ZAP70: variants seen among roughly 807,000 people sequenced by gnomAD.
ZAP70 encodes zeta chain of T cell receptor associated protein kinase 70, also known as tyrosine-protein kinase ZAP-70.
ZAP70 carries 27 observed loss-of-function variants against 65.8 expected under a neutral mutation model. The ratio of observed to expected loss-of-function variants is 0.41; its 90% CI spans 0.30 to 0.57. ZAP70 has a LOEUF of 0.57. Among genes scored for constraint, ZAP70 ranks in the 20% least tolerant of loss-of-function variants. The pLI, the probability that ZAP70 is intolerant of heterozygous loss-of-function variation, is 0.28. For synonymous variants in ZAP70, 363 were observed against 360.8 expected (o/e 1.01, Z -0.07); for missense variants, 696 against 870.5 (o/e 0.80, Z 2.52).
At position 97,737,044 on chromosome 2, in the gene ZAP70, G is replaced by T. The variant is rs1460575930; in HGVS notation, c.1290-429G>T. 6.6e-6 allele frequency among the ~76,000 whole-genome samples: 1 copy of T among 152,118 alleles called. No individual in the cohort carries two copies. Among genetic ancestry groups the T allele is most frequent in the African/African-American group, 2.4e-5 (1 of 41,416 alleles). On this transcript the variant is annotated intron_variant, in intron 10 of 13. Transcript: ENST00000264972. This position sits in a 1 kb window ranked among gnomAD's most constrained non-coding sequence, Gnocchi z 5.0. ...GAGATGAGGAGTGCGGTGGATTCTG[G>T]AGAGATTCTGACACCAGAACTGCCA...
At chr2:97,743,051 TGGTGTTCAGCTCAGCACCAA>T (rs2104716962), downstream of ZAP70, among the ~76,000 whole-genome samples, 1 of 152,302 alleles carries the variant, frequency 6.6e-6, no homozygotes, top group African/African-American at 2.4e-5. Flanking sequence ...GAAGGGGCTG[TGGTGTTCAGCTCAGCACCAA>T]CCTTATACTT....
chr2:97,753,228 C>G, the ZAP70 span, among the ~76,000 whole-genome samples: 1 of 152,224 alleles, frequency 6.6e-6, no homozygotes, highest in Admixed American at 6.5e-5. Flanking sequence ...TCATGGGCAG[C>G]AGGGAAGACC....
chr2:97,734,060 C>T (rs921445495), intron 8 of ZAP70: 4 of 275,596 alleles, frequency 1.5e-5, no homozygotes, highest in South Asian at 5.0e-5. Flanking sequence ...TGGTCTGCTG[C>T]GGGTGCTCCT....
In ZAP70 at chr2:97,734,730, G is replaced by A. The variant is rs200537559; in HGVS notation, c.1082+18G>A. The A allele has an allele frequency of 3.7e-6, 6 of 1,612,620 alleles. No homozygotes were observed. The highest frequency in any genetic ancestry group is 1.1e-5 in the South Asian group (1 of 91,078). ...ATGCGCAAGTATGGCCGCCCCTGCC[G>A]TGGTGGGAGCACCGCCGCCTGGGGC... is the stretch of plus-strand genomic sequence containing the variant. On this transcript the variant is annotated intron_variant, in intron 9 of 13. Coordinates refer to ENST00000264972, the MANE Select transcript of ZAP70 (RefSeq NM_001079.4).
rs1282920363 is a variant in ZAP70 at position 97,733,200 on chromosome 2, AGCAACGCCTCAG to A, written c.780_790+1del. On this transcript the variant is annotated inframe_deletion and splice_region_variant, in exon 6 of 14. Transcript: ENST00000264972. The stretch of plus-strand genomic sequence containing the variant: ...GGAGGCCTGCCCCAACAGCAGTGCC[AGCAACGCCTCAG>A]GTGACGGCAGCAGGCGGGCGGGCGG... The A allele has an allele frequency of 6.2e-7, 1 of 1,613,642 alleles. No individual in the cohort carries two copies. Among genetic ancestry groups the A allele is most frequent in the Non-Finnish European group, 8.5e-7 (1 of 1,179,900 alleles).
At chr2:97,721,587 T>TC (rs1212203777) in intron 2 of ZAP70, among the ~76,000 whole-genome samples, 1 of 138,958 alleles carries the variant, frequency 7.2e-6, no homozygotes, top group Non-Finnish European at 1.6e-5. Context: ...CTGATTTTTT[T>TC]TTTTTTTTTT....
chr2:97,720,996 G>A (rs1458646920), intron 2 of ZAP70, among the ~76,000 whole-genome samples: 6 of 152,180 alleles, frequency 3.9e-5, no homozygotes, highest in African/African-American at 1.4e-4. Flanking sequence ...TAACTAAGAA[G>A]GGCACTCAAA....
chr2:97,748,264 G>C, the ZAP70 span, among the ~76,000 whole-genome samples: 1 of 152,212 alleles, frequency 6.6e-6, no homozygotes, highest in Non-Finnish European at 1.5e-5. Flanking sequence ...GGGAAAACCA[G>C]TTCCTTATAA....
the ZAP70 span, among the ~76,000 whole-genome samples, chr2:97,747,959 A>G: frequency 6.6e-6 from 1 of 151,260 alleles, no homozygotes; most frequent in African/African-American, 2.4e-5. Context: ...CCCAGGAACT[A>G]ATGACTATTA....
the ZAP70 span, among the ~76,000 whole-genome samples, chr2:97,746,537 A>C: frequency 6.6e-6 from 1 of 152,212 alleles, no homozygotes; most frequent in East Asian, 1.9e-4. Flanking sequence ...GAGGAGGTTA[A>C]GGGCTTGGCA....
rs745705250 is a variant in ZAP70 at position 97,732,888 on chromosome 2, G to A, written c.569G>A (p.Arg190Lys). The change falls in exon 5 of 14, where the codon AGG (arginine) becomes AAG (lysine). Residue 190 changes from arginine to lysine, a missense_variant. By Grantham distance (26) the Arg-to-Lys change is conservative. This residue lies in a region of ZAP70 where 551 missense variants were observed against 630.0 expected (regional missense o/e 0.87). Coordinates refer to ENST00000264972, the MANE Select transcript of ZAP70 (RefSeq NM_001079.4). ...CCCCTCCCTTCCCCTGCCAGGCTGA[G>A]GCCGCGGAAGGAGCAGGGCACATAC... Reference protein sequence around the residue: ...GAQTDGKFLLRPRKEQGTYAL... With the variant: ...GAQTDGKFLLKPRKEQGTYAL... The A allele has an allele frequency of 1.9e-6, 3 of 1,613,826 alleles. No individual in the cohort carries two copies. Among genetic ancestry groups the A allele is most frequent in the Non-Finnish European group, 1.7e-6 (2 of 1,180,040 alleles).
the ZAP70 span, among the ~76,000 whole-genome samples, chr2:97,755,657 T>G: frequency 6.6e-6 from 1 of 152,234 alleles, no homozygotes; most frequent in Non-Finnish European, 1.5e-5. Context: ...GTGTTGCTGC[T>G]GGTAAGCTCC....
At chr2:97,745,012 C>A in the ZAP70 span, among the ~76,000 whole-genome samples, 1 of 152,146 alleles carries the variant, frequency 6.6e-6, no homozygotes, top group South Asian at 2.1e-4. Context: ...ATATAAAAAT[C>A]TTTTACTTTT....
chr2:97,740,490 G>GTAAA (rs1678101357), downstream of ZAP70, among the ~76,000 whole-genome samples: 1 of 152,216 alleles, frequency 6.6e-6, no homozygotes, highest in Non-Finnish European at 1.5e-5. Flanking sequence ...ATATCAGACA[G>GTAAA]TAAATGAATT....
At chr2:97,743,777 T>C (rs1573297235), downstream of ZAP70, among the ~76,000 whole-genome samples, 2 of 152,250 alleles carry the variant, frequency 1.3e-5, no homozygotes, top group East Asian at 3.8e-4. Flanking sequence ...TTTGTGGAAA[T>C]TTCATGAAGT....
chr2:97,734,793 CG>C, intron 9 of ZAP70, 81 bp downstream of exon 9: 1 of 1,558,850 alleles, frequency 6.4e-7, no homozygotes, highest in African/African-American at 1.3e-5. Flanking sequence ...GGACGGGAGC[CG>C]GGATGTCTGT....
At chr2:97,739,238 C>G in intron 13 of ZAP70, 137 bp from the exon 14 acceptor site, 3 of 1,378,466 alleles carry the variant, frequency 2.2e-6, no homozygotes, top group Non-Finnish European at 2.9e-6. Context: ...CACCCAATGT[C>G]CCGCCACCCC....
At chr2:97,747,850 C>CTTTTTTTTTTTTTTTTTTTTTTTTTT in the ZAP70 span, among the ~76,000 whole-genome samples, 1 of 49,178 alleles carries the variant, frequency 2.0e-5, no homozygotes, top group African/African-American at 9.5e-5. Flanking sequence ...TTTTTTTTTG[C>CTTTTTTTTTTTTTTTTTTTTTTTTTT]TATTGGTGAC....
In ZAP70 at chr2:97,715,781, C is replaced by T. The variant is rs753480943; in HGVS notation, c.-22+1787C>T. On this transcript the variant is annotated intron_variant, in intron 2 of 13. Transcript: ENST00000264972. The surrounding 1 kb of genome is among the most constrained non-coding windows in gnomAD (Gnocchi z 4.1). ...CTGAGGAGTGGGATAACAGTTCCCA[C>T]CAAATGTAGTTGTGGTGAGAATTAG... Among the ~76,000 whole-genome samples the T allele has an allele frequency of 2.0e-5, 3 of 152,298 alleles. No homozygotes were observed. Among genetic ancestry groups the T allele is most frequent in the Non-Finnish European group, 4.4e-5 (3 of 68,040 alleles).
Sources: allele counts gnomAD v4.1 joint callset (sites outside exome capture counted in the v4.1 genomes callset), GRCh38; gene constraint gnomAD v4.1.1; regional missense constraint gnomAD v4.1.1; non-coding constraint Gnocchi (gnomAD v3.1); transcripts MANE v1.5; gene names NCBI Gene and HGNC (gene_info 2026-07-23, HGNC 2026-07-21).